ARHGAP12: variants seen among roughly 807,000 people sequenced by gnomAD.
ARHGAP12 encodes Rho GTPase activating protein 12, also known as rho GTPase-activating protein 12.
In ARHGAP12, 64 loss-of-function variants were observed where a neutral mutation model predicts 108.6. The ratio of observed to expected loss-of-function variants is 0.59; its 90% CI spans 0.48 to 0.73. The LOEUF (loss-of-function observed/expected upper bound fraction) is 0.73, where lower values mean the gene tolerates loss of function less well. Among genes scored for constraint, ARHGAP12 ranks in the 30% least tolerant of loss-of-function variants. The pLI is 0.00. For synonymous variants in ARHGAP12, 312 were observed against 337.2 expected, an observed-to-expected ratio of 0.93 and a Z score of 0.82; for missense variants, 940 against 1,005.9, an observed-to-expected ratio of 0.93 and a Z score of 0.89.
chr10:31,868,859 G>GTCAA (rs1205731227), intron 3 of ARHGAP12, among the ~76,000 whole-genome samples: 1 of 151,892 alleles, frequency 6.6e-6, no homozygotes, highest in Non-Finnish European at 1.5e-5. Flanking sequence ...AGCCCAGGAG[G>GTCAA]TCAAGGCTGC....
intron 1 of ARHGAP12, chr10:31,913,503 C>T: frequency 6.2e-6 from 1 of 160,692 alleles, no homozygotes; most frequent in Non-Finnish European, 1.4e-5. Flanking sequence ...GGCCTATCCA[C>T]TGGATATACT....
intron 9 of ARHGAP12, among the ~76,000 whole-genome samples, chr10:31,832,582 T>C (rs992586410): frequency 5.3e-5 from 8 of 152,232 alleles, no homozygotes; most frequent in South Asian, 2.1e-4. Flanking sequence ...GAGTCCATAG[T>C]AATCATTCAA....
chr10:31,878,802 T>G (rs1564406873), intron 3 of ARHGAP12, among the ~76,000 whole-genome samples: 1 of 152,214 alleles, frequency 6.6e-6, no homozygotes, highest in African/African-American at 2.4e-5. Context: ...CTGGGCTCTT[T>G]ACAGAAAATG....
chr10:31,887,495 C>T (rs1175494351), intron 3 of ARHGAP12, among the ~76,000 whole-genome samples: 1 of 152,142 alleles, frequency 6.6e-6, no homozygotes. Context: ...ATTCCCTTCA[C>T]TATACAATAG....
intron 9 of ARHGAP12, among the ~76,000 whole-genome samples, chr10:31,835,425 T>C (rs1835981735): frequency 6.6e-6 from 1 of 152,122 alleles, no homozygotes; most frequent in Non-Finnish European, 1.5e-5. Context: ...ATATTAAAAA[T>C]AAGCAGGAAT....
rs1406639286 is a variant in ARHGAP12 at position 31,910,581 on chromosome 10, A to C, written c.-110-18T>G. The C allele has an allele frequency of 6.6e-6, 1 of 152,256 alleles. No individual in the cohort carries two copies. Among genetic ancestry groups the C allele is most frequent in the Non-Finnish European group, 1.5e-5 (1 of 68,048 alleles). The allele number at this position is 152,256 out of a possible 1,614,324, so 9.4% of individuals were successfully genotyped here. Reference sequence around the variant, plus strand: ...ATTTAAACCTGTAAAAAAATAAATAAGTTCATTAACTCAAACCAAGATCGC... The same window carrying C: ...ATTTAAACCTGTAAAAAAATAAATACGTTCATTAACTCAAACCAAGATCGC... On this transcript the variant is annotated intron_variant, in intron 1 of 19. Transcript: ENST00000344936.
intron 3 of ARHGAP12, among the ~76,000 whole-genome samples, chr10:31,902,874 A>T (rs1838986494): frequency 6.6e-6 from 1 of 152,166 alleles, no homozygotes; most frequent in Non-Finnish European, 1.5e-5. Flanking sequence ...GATGAAATTA[A>T]CACTTTTAAA....
intron 7 of ARHGAP12, 63 bp from the exon 8 acceptor site, chr10:31,839,774 T>G: frequency 3.0e-6 from 4 of 1,354,618 alleles, no homozygotes; most frequent in Non-Finnish European, 3.0e-6. Context: ...CTGCCTCTAC[T>G]CACAGTGGGA....
intron 4 of ARHGAP12, among the ~76,000 whole-genome samples, chr10:31,854,662 A>G (rs1592292766): frequency 6.6e-6 from 1 of 152,176 alleles, no homozygotes; most frequent in African/African-American, 2.4e-5. Context: ...CTCAATAAAT[A>G]TATCTCAGAC....
Position 31,893,705 on chromosome 10 carries a change from C to T in ARHGAP12, c.684+14467G>A, listed in dbSNP as rs191530523. ...GGTACCATTTCTTCTGAAACTATTCCAAACAACAGAAAAAGAGGGAATCCT... is the reference window on the plus strand; with the variant it reads ...GGTACCATTTCTTCTGAAACTATTCTAAACAACAGAAAAAGAGGGAATCCT... On this transcript the variant is annotated intron_variant, in intron 3 of 19. Transcript: ENST00000344936. Among the ~76,000 whole-genome samples, 3 of 152,282 alleles carry T rather than the reference C, an allele frequency of 2.0e-5. No individual in the cohort carries two copies. In the East Asian group the frequency reaches 5.8e-4, roughly 29 times the overall value.
intron 3 of ARHGAP12, among the ~76,000 whole-genome samples, chr10:31,897,969 T>C (rs971331912): frequency 1.3e-5 from 2 of 151,946 alleles, no homozygotes; most frequent in African/African-American, 4.8e-5. Flanking sequence ...CTACAAAAAA[T>C]ACAAAAACTA....
Position 31,838,830 on chromosome 10 carries a change from C to CA in ARHGAP12, c.1386+474dup, listed in dbSNP as rs34471173. On this transcript the variant is annotated intron_variant, in intron 9 of 19. Transcript: ENST00000344936. ...TGGGCAACAGAGTGAGGCTCCATCT[C>CA]AAAAAAAAAAAAAAAAAAAAATTTA... 6.9e-3 allele frequency among the ~76,000 whole-genome samples: 710 copies of CA among 102,648 alleles called. 4 individuals are homozygous for CA. Among genetic ancestry groups the CA allele is most frequent in the African/African-American group, 0.015 (385 of 25,562 alleles). The allele number at this position is 102,648 out of a possible 152,430, so 67.3% of individuals were successfully genotyped here.
At chr10:31,848,883 C>T (rs1836565435) in intron 6 of ARHGAP12, among the ~76,000 whole-genome samples, 1 of 151,856 alleles carries the variant, frequency 6.6e-6, no homozygotes, top group Non-Finnish European at 1.5e-5. Flanking sequence ...CTAGTCTGAC[C>T]AACATGATGA....
chr10:31,845,590 G>T (rs1209256810), intron 6 of ARHGAP12, among the ~76,000 whole-genome samples: 1 of 152,110 alleles, frequency 6.6e-6, no homozygotes, highest in Non-Finnish European at 1.5e-5. Flanking sequence ...TTTGAGACCA[G>T]CCTGGCCAAC....
intron 13 of ARHGAP12, 113 bp from the exon 14 acceptor site, chr10:31,814,474 A>T: frequency 1.2e-6 from 1 of 820,362 alleles, no homozygotes; most frequent in Non-Finnish European, 2.0e-6. Flanking sequence ...AATTTTAGGA[A>T]ACCAATTAGT....
chr10:31,912,482 C>T (rs1486477721), intron 1 of ARHGAP12, among the ~76,000 whole-genome samples: 2 of 152,102 alleles, frequency 1.3e-5, no homozygotes, highest in African/African-American at 4.8e-5. Flanking sequence ...CTACACCTTC[C>T]CCACAGTGAC....
intron 1 of ARHGAP12, among the ~76,000 whole-genome samples, chr10:31,910,815 G>C (rs1839311560): frequency 6.6e-6 from 1 of 152,018 alleles, no homozygotes; most frequent in Admixed American, 6.6e-5. Flanking sequence ...ACTTCATTTT[G>C]TCCCTTATTT....
intron 3 of ARHGAP12, among the ~76,000 whole-genome samples, chr10:31,890,599 C>T (rs1276170419): frequency 1.3e-5 from 2 of 152,014 alleles, no homozygotes; most frequent in African/African-American, 2.4e-5. Flanking sequence ...AGCTAAGTAA[C>T]GACTCCATGG....
intron 3 of ARHGAP12, among the ~76,000 whole-genome samples, chr10:31,882,063 C>T (rs1290105368): frequency 1.3e-5 from 2 of 151,552 alleles, no homozygotes; most frequent in South Asian, 2.1e-4. Flanking sequence ...TACAGGCGCC[C>T]GCCACTACGC....
Sources: gnomAD v4.1 joint callset for allele counts (sites outside exome capture counted in the v4.1 genomes callset) on GRCh38, gnomAD v4.1.1 for gene constraint, MANE v1.5 for transcripts, NCBI Gene and HGNC (gene_info 2026-07-23, HGNC 2026-07-21) for gene names.